PHRF1: variants seen among roughly 807,000 people sequenced by gnomAD.
PHRF1 encodes the protein PHD and RING finger domain-containing protein 1.
In PHRF1, 53 loss-of-function variants were observed where a neutral mutation model predicts 128.9. The ratio of observed to expected loss-of-function variants is 0.41; its 90% CI spans 0.33 to 0.52. PHRF1 has a LOEUF of 0.52. Ranked by LOEUF, PHRF1 falls within the 20% of genes least tolerant of loss-of-function variation. The pLI, the probability that PHRF1 is intolerant of heterozygous loss-of-function variation, is 0.21. For missense variants in PHRF1, 2,503 were observed against 2,284.5 expected, an observed-to-expected ratio of 1.10 and a Z score of -1.95; for synonymous variants, 1,178 against 980.6, an observed-to-expected ratio of 1.20 and a Z score of -3.76.
intron 3 of PHRF1, among the ~76,000 whole-genome samples, chr11:586,517 A>G (rs1053935477): frequency 2.6e-5 from 4 of 152,218 alleles, no homozygotes; most frequent in East Asian, 1.9e-4. Context: ...TTTCGGGCCT[A>G]GGAGGAACCT....
chr11:585,542 CTTG>C (rs1273226493), intron 3 of PHRF1, among the ~76,000 whole-genome samples: 90 of 139,202 alleles, frequency 6.5e-4, no homozygotes, highest in African/African-American at 2.5e-3. Flanking sequence ...CCCTTTCCAG[CTTG>C]AGGTAGTAGC....
Position 608,211 on chromosome 11 carries a change from C to T in PHRF1, c.2755C>T (p.Arg919Ter), listed in dbSNP as rs1318555871. Residue 919 changes from arginine to a stop codon, truncating the protein, a stop_gained, in exon 14 of 18, where the codon CGA (arginine) becomes TGA (stop). Coordinates refer to ENST00000264555, the MANE Select transcript of PHRF1 (RefSeq NM_001286581.2). LOFTEE classifies it high-confidence loss of function. ...TGCCGAGGGGGCCTCTGACACGGAGCGAGAGGAGCCCACAGAGAGCCAGGG... is the reference window on the plus strand; with the variant it reads ...TGCCGAGGGGGCCTCTGACACGGAGTGAGAGGAGCCCACAGAGAGCCAGGG... ...VAAEGASDTE[R>*]EEPTESQGLA... 6.2e-7 allele frequency: 1 copy of T among 1,609,374 alleles called. No homozygotes were observed. Among genetic ancestry groups the T allele is most frequent in the Non-Finnish European group, 8.5e-7 (1 of 1,179,800 alleles).
rs369787466 is a variant in PHRF1 at position 609,320 on chromosome 11, G to A, written c.3864G>A (p.Ser1288=). Reference sequence around the variant, plus strand: ...TCATCCAGCTCGATGACATGAGCTCGCCACCTTCTCCCGAAAGCACAGACT... The same window carrying A: ...TCATCCAGCTCGATGACATGAGCTCACCACCTTCTCCCGAAAGCACAGACT... ...AVFIQLDDMS[S]PPSPESTDSS... The change falls in exon 14 of 18, where the codon TCG becomes TCA. Residue 1288 remains serine, a synonymous_variant. Transcript: ENST00000264555. The A allele has an allele frequency of 5.9e-5, 95 of 1,612,368 alleles. No individual in the cohort carries two copies. The highest frequency in any genetic ancestry group is 2.7e-4 in the East Asian group (12 of 44,870).
chr11:609,639 C>T lies in PHRF1; in HGVS notation c.4183C>T (p.Arg1395Trp), dbSNP rs769619607. 12 of 1,574,926 alleles carry T rather than the reference C, an allele frequency of 7.6e-6. No homozygotes were observed. Among genetic ancestry groups the T allele is most frequent in the Non-Finnish European group, 9.5e-6 (11 of 1,162,500 alleles). ...GGTGGTTTCGCAGACCCCCCTGCTG[C>T]GGTCCAGAGCCCTGGTGAAGCGGGT... ...EEVVSQTPLL[R>W]SRALVKRVTW... Residue 1395 changes from arginine to tryptophan, a missense_variant, in exon 14 of 18, where the codon CGG becomes TGG. Coordinates refer to ENST00000264555, the MANE Select transcript of PHRF1 (RefSeq NM_001286581.2).
Position 589,577 on chromosome 11 carries a change from G to C in PHRF1, c.421-1807G>C, listed in dbSNP as rs554391642. Reference sequence around the variant, plus strand: ...TTAGAAGAGGCCTGGACACACTCGGGGGGGCAGGAGGCGCCTGTGGGGCAG... The same window carrying C: ...TTAGAAGAGGCCTGGACACACTCGGCGGGGCAGGAGGCGCCTGTGGGGCAG... On this transcript the variant is annotated intron_variant, in intron 4 of 17. Transcript: ENST00000264555. 3.4e-3 allele frequency among the ~76,000 whole-genome samples: 312 copies of C among 90,972 alleles called. 3 individuals are homozygous for C. Among genetic ancestry groups the C allele is most frequent in the African/African-American group, 8.9e-3 (294 of 32,994 alleles). The allele number at this position is 90,972 out of a possible 152,430, so 59.7% of individuals were successfully genotyped here.
chr11:608,706 CACAGCCGG>C lies in PHRF1; in HGVS notation c.3252_3259del (p.His1084GlnfsTer16). 1 of 1,610,894 alleles carries C rather than the reference CACAGCCGG, an allele frequency of 6.2e-7. No individual in the cohort carries two copies. The highest frequency in any genetic ancestry group is 8.5e-7 in the Non-Finnish European group (1 of 1,179,310). The stretch of plus-strand genomic sequence containing the variant: ...GGAGCACAGGCGGGGCCCCTGGGGC[CACAGCCGG>C]AGGACGTCCCGGTCGCGGTCGGGGA... On this transcript the variant is annotated frameshift_variant, in exon 14 of 18. Coordinates refer to ENST00000264555, the MANE Select transcript of PHRF1 (RefSeq NM_001286581.2). LOFTEE classifies it high-confidence loss of function.
intron 10 of PHRF1, among the ~76,000 whole-genome samples, chr11:602,105 G>A (rs564527434): frequency 9.1e-4 from 138 of 152,186 alleles, no homozygotes; most frequent in Non-Finnish European, 1.3e-3. Context: ...GACACAAGCC[G>A]TGTCTGACAG....
chr11:596,677 G>A (rs747047398), intron 6 of PHRF1, among the ~76,000 whole-genome samples: 1 of 152,220 alleles, frequency 6.6e-6, no homozygotes, highest in Non-Finnish European at 1.5e-5. Flanking sequence ...TCCCCGCTGT[G>A]ACCTCACCTG....
chr11:596,191 C>A (rs1014024706), intron 6 of PHRF1, among the ~76,000 whole-genome samples: 1 of 152,176 alleles, frequency 6.6e-6, no homozygotes, highest in Non-Finnish European at 1.5e-5. Context: ...TTACTCAGGG[C>A]TGTCTGGGGT....
intron 3 of PHRF1, 142 bp downstream of exon 3, chr11:582,223 C>A: frequency 8.2e-7 from 1 of 1,218,476 alleles, no homozygotes; most frequent in Non-Finnish European, 1.1e-6. Context: ...GCCTTATATT[C>A]AGCTGTGGTG....
chr11:588,896 G>A (rs559913095), intron 4 of PHRF1, among the ~76,000 whole-genome samples: 4 of 151,984 alleles, frequency 2.6e-5, no homozygotes, highest in Admixed American at 6.6e-5. Context: ...TCAGCACTTC[G>A]GGAGGCCAAG....
intron 4 of PHRF1, 39 bp downstream of exon 4, chr11:587,503 A>G (rs1406943918): frequency 1.3e-6 from 2 of 1,599,802 alleles, no homozygotes; most frequent in Non-Finnish European, 1.7e-6. Context: ...TCCCTTCAGG[A>G]TGGCCTCCCT....
intron 1 of PHRF1, among the ~76,000 whole-genome samples, chr11:578,279 A>T (rs1301435417): frequency 6.6e-6 from 1 of 152,110 alleles, no homozygotes; most frequent in African/African-American, 2.4e-5. Context: ...GCCCCTGGTT[A>T]CTTTTGTGTG....
At chr11:599,879 A>G (rs775582790) in intron 9 of PHRF1, among the ~76,000 whole-genome samples, 1 of 152,034 alleles carries the variant, frequency 6.6e-6, no homozygotes, top group Non-Finnish European at 1.5e-5. Context: ...CCTTTTGTTC[A>G]GCACAGTACT....
At position 611,986 on chromosome 11, in the gene PHRF1, C is replaced by CCTG; in HGVS notation, c.*209_*210insCTG. 1 of 713,586 alleles carries CCTG rather than the reference C, an allele frequency of 1.4e-6. No homozygotes were observed. Among genetic ancestry groups the CCTG allele is most frequent in the South Asian group, 1.9e-5 (1 of 51,472 alleles). 44.2% of individuals were successfully genotyped at this position (713,586 alleles called of 1,614,324 possible). ...CACCTGTGTTGCTCACAGTTGAAAA[C>CCTG]TGGACACTTTTGTATGTATATTATA... is the stretch of plus-strand genomic sequence containing the variant. On this transcript the variant is annotated 3_prime_UTR_variant, in exon 18 of 18. Transcript: ENST00000264555.
chr11:582,458 G>A (rs949169646), intron 3 of PHRF1, among the ~76,000 whole-genome samples: 4 of 151,874 alleles, frequency 2.6e-5, no homozygotes, highest in African/African-American at 7.3e-5. Flanking sequence ...TAGTAGAGAC[G>A]GGGTTTCACC....
intron 4 of PHRF1, among the ~76,000 whole-genome samples, chr11:589,392 T>G (rs113626448): frequency 0.027 from 4,125 of 152,258 alleles, 63 homozygotes; most frequent in Non-Finnish European, 0.041. Context: ...CTTGATGTGT[T>G]GTGAAGTCAA....
At position 591,458 on chromosome 11, in the gene PHRF1, C is replaced by T; in HGVS notation, c.495C>T (p.Ile165=). ...ICIRAQFGGK[I]LRKIPVENTK... is the part of the protein sequence containing the mutation. ...TTCGAGCTCAATTTGGTGGTAAAATCTTAAGAAAGGTGAGTGTGGACGCTG... is the reference window on the plus strand; with the variant it reads ...TTCGAGCTCAATTTGGTGGTAAAATTTTAAGAAAGGTGAGTGTGGACGCTG... The change falls in exon 5 of 18, where the codon ATC becomes ATT. Residue 165 remains isoleucine, a synonymous_variant. Transcript: ENST00000264555. 2 of 1,608,590 alleles carry T rather than the reference C, an allele frequency of 1.2e-6. No homozygotes were observed. The highest frequency in any genetic ancestry group is 1.3e-5 in the African/African-American group (1 of 74,684).
At chr11:594,335 C>T (rs1189211343) in intron 6 of PHRF1, among the ~76,000 whole-genome samples, 4 of 152,262 alleles carry the variant, frequency 2.6e-5, no homozygotes, top group East Asian at 1.9e-4. Flanking sequence ...AGGCCAGGGC[C>T]GTGAGCCTTC....
Sources: allele counts gnomAD v4.1 joint callset (sites outside exome capture counted in the v4.1 genomes callset), GRCh38; gene constraint gnomAD v4.1.1; transcripts MANE v1.5; gene names NCBI Gene and HGNC (gene_info 2026-07-23, HGNC 2026-07-21).